FZR1: variants seen among roughly 807,000 people sequenced by gnomAD.
The protein encoded by FZR1 is fizzy-related protein homolog.
In FZR1, 11 loss-of-function variants were observed where a neutral mutation model predicts 63.6. That is an observed-to-expected ratio of 0.17 (90% CI 0.11 to 0.29). FZR1 has a LOEUF of 0.29. Ranked by LOEUF, FZR1 falls within the 10% of genes least tolerant of loss-of-function variation. The pLI, the probability that FZR1 is intolerant of heterozygous loss-of-function variation, is 1.00. For missense variants in FZR1, 440 were observed against 687.5 expected (o/e 0.64, Z 4.03); for synonymous variants, 328 against 297.9 (o/e 1.10, Z -1.04).
In FZR1 at chr19:3,516,036, CTGAG is replaced by C. The variant is rs1479211349; in HGVS notation, c.-34-6918_-34-6915del. Among the ~76,000 whole-genome samples, 4 of 152,216 alleles carry C rather than the reference CTGAG, an allele frequency of 2.6e-5. No individual in the cohort carries two copies. The highest frequency in any genetic ancestry group is 5.9e-5 in the Non-Finnish European group (4 of 68,044). ...GACTCCATCTCTGCACACATGCATG[CTGAG>C]TTTCTAAGGATAAATTCTTAGAAGT... On this transcript the variant is annotated intron_variant, in intron 1 of 13. Transcript: ENST00000441788. This position sits in a 1 kb window ranked among gnomAD's most constrained non-coding sequence, Gnocchi z 6.0.
intron 1 of FZR1, among the ~76,000 whole-genome samples, chr19:3,513,924 A>G (rs573806719): frequency 6.6e-6 from 1 of 152,290 alleles, no homozygotes; most frequent in African/African-American, 2.4e-5. Flanking sequence ...CGTCATTGGG[A>G]TGTTTCAATT....
At position 3,525,883 on chromosome 19, in the gene FZR1, C is replaced by G; in HGVS notation, c.85C>G (p.Arg29Gly). The change falls in exon 3 of 14, where the codon CGG becomes GGG. Residue 29 changes from arginine (R) to glycine (G), a missense_variant. Arg to Gly is a moderately radical substitution (Grantham distance 125). This residue lies in a region of FZR1 where 200 missense variants were observed against 245.1 expected (regional missense o/e 0.82). Coordinates refer to ENST00000441788, the MANE Select transcript of FZR1 (RefSeq NM_016263.4). The surrounding 1 kb of genome is among the most constrained non-coding windows in gnomAD (Gnocchi z 4.2). ...TGCCCTTCAGGTCACAGAGATGCGGCGGACCCTGACGCCTGCCAGCTCCCC... is the reference window on the plus strand; with the variant it reads ...TGCCCTTCAGGTCACAGAGATGCGGGGGACCCTGACGCCTGCCAGCTCCCC... ...NTMPRVTEMR[R>G]TLTPASSPVS... 1 of 1,611,702 alleles carries G rather than the reference C, an allele frequency of 6.2e-7. No individual in the cohort carries two copies. The highest frequency in any genetic ancestry group is 8.5e-7 in the Non-Finnish European group (1 of 1,179,900).
Position 3,527,697 on chromosome 19 carries a change from G to A in FZR1, c.537G>A (p.Leu179=), listed in dbSNP as rs550407593. 6.2e-7 allele frequency: 1 copy of A among 1,612,452 alleles called. No homozygotes were observed. The highest frequency in any genetic ancestry group is 2.2e-5 in the East Asian group (1 of 44,874). ...TCTCCAAGATCCCCTTCAAGGTGCT[G>A]GACGCGCCCGAGCTGCAGGACGACT... ...RKISKIPFKV[L]DAPELQDDFY... is the part of the protein sequence containing the mutation. The change falls in exon 7 of 14, where the codon CTG becomes CTA. Residue 179 remains leucine (L), a synonymous_variant. Coordinates refer to ENST00000441788, the MANE Select transcript of FZR1 (RefSeq NM_016263.4).
chr19:3,523,114 C>A, intron 2 of FZR1, 56 bp downstream of exon 2: 1 of 1,077,546 alleles, frequency 9.3e-7, no homozygotes, highest in Non-Finnish European at 1.4e-6. Flanking sequence ...GCTGCCTCTG[C>A]CCTGGCCAGC....
rs376189746 is a variant in FZR1 at position 3,534,675 on chromosome 19, G to A, written c.1441-120G>A. The A allele has an allele frequency of 1.9e-5, 19 of 986,636 alleles. No homozygotes were observed. The African/African-American group carries it at 2.2e-4, about 12-fold the overall frequency. 61.1% of individuals were successfully genotyped at this position (986,636 alleles called of 1,614,324 possible). A position where few individuals can be genotyped will look rare whatever the true frequency, so the allele number is the denominator to read the frequency against. On this transcript the variant is annotated intron_variant, in intron 13 of 13. Coordinates refer to ENST00000441788, the MANE Select transcript of FZR1 (RefSeq NM_016263.4). Reference sequence around the variant, plus strand: ...ATGTGTCGGGGCAGTGTGGCAGGCCGAGGCTGAACTGGCACCTCCCAGCCC... The same window carrying A: ...ATGTGTCGGGGCAGTGTGGCAGGCCAAGGCTGAACTGGCACCTCCCAGCCC...
chr19:3,508,325 T>G (rs1427305836), intron 1 of FZR1, among the ~76,000 whole-genome samples: 1 of 150,682 alleles, frequency 6.6e-6, no homozygotes, highest in Non-Finnish European at 1.5e-5. Flanking sequence ...GCCTCCTGAG[T>G]AGCTGGGATT....
Position 3,535,720 on chromosome 19 carries a change from C to G in FZR1, c.*884C>G, listed in dbSNP as rs560835045. 2.0e-5 allele frequency: 3 copies of G among 152,410 alleles called. No homozygotes were observed. The highest frequency in any genetic ancestry group is 7.2e-5 in the African/African-American group (3 of 41,470). The allele number at this position is 152,410 out of a possible 1,614,324, so 9.4% of individuals were successfully genotyped here. ...GTCCTCCTTCCCTGCGCAAGACTTG[C>G]GTCCCCCATGCCTGCTGGGTGGCTG... On this transcript the variant is annotated 3_prime_UTR_variant, in exon 14 of 14. Coordinates refer to ENST00000441788, the MANE Select transcript of FZR1 (RefSeq NM_016263.4).
In FZR1 at chr19:3,538,127, T is replaced by C; in HGVS notation, c.*3291T>C. 6.5e-6 allele frequency: 1 copy of C among 154,140 alleles called. No individual in the cohort carries two copies. The highest frequency in any genetic ancestry group is 1.4e-5 in the Non-Finnish European group (1 of 69,658). 9.5% of individuals were successfully genotyped at this position (154,140 alleles called of 1,614,324 possible). A position where few individuals can be genotyped will look rare whatever the true frequency, so the allele number is the denominator to read the frequency against. ...TGGAGCTCCTGGGTGCGTGTCCAGA[T>C]GGGAAAGGCAGGGTCGTATCTGTGG... is the stretch of plus-strand genomic sequence containing the variant. On this transcript the variant is annotated 3_prime_UTR_variant, in exon 14 of 14. Transcript: ENST00000441788.
rs2083259669 is a variant in FZR1, at chr19:3,532,593, T to C, written c.1185T>C (p.Cys395=). ...WNTLTGQPLQ[C]IDTGSQVCNL... ...CGCTGACAGGACAACCACTGCAGTG[T>C]ATCGACACGGGCTCCCAAGTGTGCA... The change falls in exon 11 of 14, where the codon TGT becomes TGC. Residue 395 remains cysteine, a synonymous_variant. Transcript: ENST00000441788. 4 of 1,612,664 alleles carry C rather than the reference T, an allele frequency of 2.5e-6. No homozygotes were observed. In the East Asian group the frequency reaches 8.9e-5, roughly 36 times the overall value.
rs2083047504 is a variant in FZR1 at position 3,514,887 on chromosome 19, C to A, written c.-34-8069C>A. Among the ~76,000 whole-genome samples the A allele has an allele frequency of 6.6e-6, 1 of 152,208 alleles. No individual in the cohort carries two copies. The highest frequency in any genetic ancestry group is 2.1e-4 in the South Asian group (1 of 4,836). On this transcript the variant is annotated intron_variant, in intron 1 of 13. Coordinates refer to ENST00000441788, the MANE Select transcript of FZR1 (RefSeq NM_016263.4). The surrounding 1 kb of genome is among the most constrained non-coding windows in gnomAD (Gnocchi z 4.2). ...ACAGGAAGAAGCTCGAGACTGAAGG[C>A]TTGCCCGGGGCAGTGGCAGAAGGAG...
intron 8 of FZR1, among the ~76,000 whole-genome samples, chr19:3,531,298 G>A (rs2083244412): frequency 6.6e-6 from 1 of 152,190 alleles, no homozygotes; most frequent in South Asian, 2.1e-4. Flanking sequence ...ACCGCTCACT[G>A]TGTCCAGGCG....
Position 3,515,851 on chromosome 19 carries a change from C to T in FZR1, c.-34-7105C>T, listed in dbSNP as rs1017787901. ...TTCTTTCCTCCCCAATCCTCGTCCT[C>T]TCCTTCCTCTCCCCACCCACCCCAT... On this transcript the variant is annotated intron_variant, in intron 1 of 13. Coordinates refer to ENST00000441788, the MANE Select transcript of FZR1 (RefSeq NM_016263.4). The surrounding 1 kb of genome is among the most constrained non-coding windows in gnomAD (Gnocchi z 4.6). Among the ~76,000 whole-genome samples, 4 of 151,890 alleles carry T rather than the reference C, an allele frequency of 2.6e-5. No individual in the cohort carries two copies. The highest frequency in any genetic ancestry group is 4.4e-5 in the Non-Finnish European group (3 of 68,002).
chr19:3,534,580 CA>C, intron 13 of FZR1, 67 bp downstream of exon 13: 2 of 1,128,094 alleles, frequency 1.8e-6, no homozygotes, highest in Non-Finnish European at 1.3e-6. Context: ...TCCCTGTCCC[CA>C]CTGTCCTCGG....
chr19:3,536,524 G>C lies in FZR1; in HGVS notation c.*1688G>C, dbSNP rs376195449. The C allele has an allele frequency of 1.2e-4, 18 of 152,356 alleles. No individual in the cohort carries two copies. In the East Asian group the frequency reaches 3.3e-3, roughly 28 times the overall value. 9.4% of individuals were successfully genotyped at this position (152,356 alleles called of 1,614,324 possible). A position where few individuals can be genotyped will look rare whatever the true frequency, so the allele number is the denominator to read the frequency against. ...CGCCCCTGCCCGCAGTTGCCAAAGA[G>C]CCGCCTTGTCGCTGTGGGCGTCAGG... On this transcript the variant is annotated 3_prime_UTR_variant, in exon 14 of 14. Coordinates refer to ENST00000441788, the MANE Select transcript of FZR1 (RefSeq NM_016263.4).
intron 1 of FZR1, among the ~76,000 whole-genome samples, chr19:3,517,517 T>C (rs2083067299): frequency 6.6e-6 from 1 of 151,824 alleles, no homozygotes; most frequent in Non-Finnish European, 1.5e-5. Flanking sequence ...TGAAACCCCC[T>C]CTCTACTAAA....
In FZR1 at chr19:3,523,183, C is replaced by T. The variant is rs562388447; in HGVS notation, c.69+125C>T. The T allele has an allele frequency of 2.3e-5, 17 of 734,158 alleles. No homozygotes were observed. In the South Asian group the frequency reaches 2.3e-4, roughly 10 times the overall value. The allele number at this position is 734,158 out of a possible 1,614,324, so 45.5% of individuals were successfully genotyped here. On this transcript the variant is annotated intron_variant, in intron 2 of 13. Coordinates refer to ENST00000441788, the MANE Select transcript of FZR1 (RefSeq NM_016263.4). ...ACGGACCACTCAGGTCCCAGTCCCCCAGGTCACACGGGGCCTCCGCCTCCT... is the reference window on the plus strand; with the variant it reads ...ACGGACCACTCAGGTCCCAGTCCCCTAGGTCACACGGGGCCTCCGCCTCCT...
chr19:3,522,444 C>T (rs1308287036), intron 1 of FZR1, among the ~76,000 whole-genome samples: 1 of 152,198 alleles, frequency 6.6e-6, no homozygotes, highest in Non-Finnish European at 1.5e-5. Context: ...GGCTTGTCCA[C>T]AGGAGGCTGA....
rs1254709836 is a variant in FZR1 at position 3,536,274 on chromosome 19, TG to T, written c.*1443del. The T allele has an allele frequency of 6.6e-5, 10 of 152,178 alleles. No homozygotes were observed. The East Asian group carries it at 1.9e-3, about 29-fold the overall frequency. The allele number at this position is 152,178 out of a possible 1,614,324, so 9.4% of individuals were successfully genotyped here. ...GGGGCCAGGACCCACCCACTGCTCC[TG>T]GGGGATGAGGTCCTGGTTTTAAAGC... On this transcript the variant is annotated 3_prime_UTR_variant, in exon 14 of 14. Coordinates refer to ENST00000441788, the MANE Select transcript of FZR1 (RefSeq NM_016263.4).
chr19:3,526,757 A>G lies in FZR1; in HGVS notation c.388-223A>G, dbSNP rs1390502980. On this transcript the variant is annotated intron_variant, in intron 5 of 13. Transcript: ENST00000441788. The surrounding 1 kb of genome is among the most constrained non-coding windows in gnomAD (Gnocchi z 5.4). ...CCACATGATCCGGGAGCTCAAAGGC[A>G]GGATCACACGGAGCCTGGCTTGGGT... Among the ~76,000 whole-genome samples, 1 of 142,810 alleles carries G rather than the reference A, an allele frequency of 7.0e-6. No individual in the cohort carries two copies. Among genetic ancestry groups the G allele is most frequent in the Non-Finnish European group, 1.5e-5 (1 of 64,766 alleles). The allele number at this position is 142,810 out of a possible 152,430, so 93.7% of individuals were successfully genotyped here. A position where few individuals can be genotyped will look rare whatever the true frequency, so the allele number is the denominator to read the frequency against.
Sources: gnomAD v4.1 joint callset for allele counts (sites outside exome capture counted in the v4.1 genomes callset) on GRCh38, gnomAD v4.1.1 for gene constraint, gnomAD v4.1.1 regional missense constraint, Gnocchi (gnomAD v3.1) non-coding constraint, MANE v1.5 for transcripts, NCBI Gene and HGNC (gene_info 2026-07-23, HGNC 2026-07-21) for gene names.